Variants in ANO3 observed in about 807,000 individuals in gnomAD.
ANO3 encodes anoctamin-3.
A neutral mutation model predicts 144.8 loss-of-function variants in ANO3; 99 were observed. The observed-to-expected ratio is 0.68, with a 90% confidence interval of 0.58 to 0.81. The LOEUF is 0.81. ANO3 is among the 30% of genes least tolerant of loss of function. The probability of loss-of-function intolerance (pLI) is 0.00; values close to 1 mark genes in which losing one functional copy is unlikely to be tolerated. For synonymous variants in ANO3, 414 were observed against 392.6 expected (o/e 1.05, Z -0.64); for missense variants, 905 against 1,202.2 (o/e 0.75, Z 3.66).
intron 1 of ANO3, among the ~76,000 whole-genome samples, chr11:26,247,009 C>A (rs1233041293): frequency 6.6e-6 from 1 of 152,076 alleles, no homozygotes; most frequent in Non-Finnish European, 1.5e-5. Context: ...TAAAATATTA[C>A]TATATTATCC....
chr11:26,243,624 G>A (rs1431458970), intron 1 of ANO3, among the ~76,000 whole-genome samples: 2 of 152,138 alleles, frequency 1.3e-5, no homozygotes, highest in Non-Finnish European at 2.9e-5. Flanking sequence ...CAGAAGCAAA[G>A]CACACTTTGA....
intron 1 of ANO3, among the ~76,000 whole-genome samples, chr11:26,341,153 A>G (rs1855349109): frequency 7.4e-6 from 1 of 135,880 alleles, no homozygotes; most frequent in Non-Finnish European, 1.6e-5. Flanking sequence ...TCTTTTTGCT[A>G]TGTAACATTT....
At chr11:26,456,786 T>C (rs1355854842) in intron 3 of ANO3, among the ~76,000 whole-genome samples, 2 of 132,454 alleles carry the variant, frequency 1.5e-5, no homozygotes, top group African/African-American at 6.1e-5. Context: ...GTATGTTTAT[T>C]GCGGCACTAT....
Position 26,442,114 on chromosome 11 carries a change from T to C in ANO3, c.241+2T>C, listed in dbSNP as rs1283938004. 1 of 1,607,278 alleles carries C rather than the reference T, an allele frequency of 6.2e-7. No individual in the cohort carries two copies. Among genetic ancestry groups the C allele is most frequent in the Non-Finnish European group, 8.5e-7 (1 of 1,178,300 alleles). ...TCTCCACTGACAAAGCAGAGCAAGG[T>C]GAGCAGCAATTCCTATTTTCTTGTT... On this transcript the variant is annotated splice_donor_variant, in intron 2 of 26. Transcript: ENST00000256737. LOFTEE classifies it high-confidence loss of function.
chr11:26,566,030 T>A, intron 14 of ANO3: 6 of 981,644 alleles, frequency 6.1e-6, no homozygotes, highest in Non-Finnish European at 8.5e-6. Context: ...ATTCCAAAAT[T>A]GCTTATTTTG....
chr11:26,201,371 T>C (rs950829952), intron 1 of ANO3, among the ~76,000 whole-genome samples: 3 of 152,268 alleles, frequency 2.0e-5, no homozygotes, highest in Admixed American at 2.0e-4. Flanking sequence ...GAACCAAGAA[T>C]TCATTTTATC....
chr11:26,578,029 C>T (rs552833215), intron 14 of ANO3, among the ~76,000 whole-genome samples: 1 of 152,198 alleles, frequency 6.6e-6, no homozygotes, highest in African/African-American at 2.4e-5. Context: ...AAAAGTATGT[C>T]GTGGGAGCAC....
intron 8 of ANO3, among the ~76,000 whole-genome samples, chr11:26,533,838 A>G (rs189198770): frequency 1.4e-3 from 209 of 152,358 alleles, no homozygotes; most frequent in Non-Finnish European, 1.9e-3. Context: ...TTTATCACTC[A>G]CATAGATAGA....
At chr11:26,428,873 T>TA (rs148245164) in intron 1 of ANO3, among the ~76,000 whole-genome samples, 7,953 of 152,164 alleles carry the variant, frequency 0.052, 247 homozygotes, top group African/African-American at 0.08. Context: ...GATTGGCTAT[T>TA]AAAAATGAAC....
intron 1 of ANO3, among the ~76,000 whole-genome samples, chr11:26,392,006 T>G (rs1470625009): frequency 2.6e-5 from 4 of 152,112 alleles, no homozygotes; most frequent in Non-Finnish European, 4.4e-5. Flanking sequence ...CTCTCCATTT[T>G]GTTTCCTAAT....
chr11:26,384,281 T>C (rs1051009762), intron 1 of ANO3, among the ~76,000 whole-genome samples: 8 of 152,112 alleles, frequency 5.3e-5, no homozygotes, highest in Non-Finnish European at 7.4e-5. Context: ...AATTTAACAA[T>C]TGTTAAATCG....
intron 17 of ANO3, among the ~76,000 whole-genome samples, chr11:26,609,526 A>G (rs1490545993): frequency 6.6e-6 from 1 of 152,042 alleles, no homozygotes; most frequent in Non-Finnish European, 1.5e-5. Context: ...TATCACATGC[A>G]GGATTCACAT....
At position 26,339,964 on chromosome 11, in the gene ANO3, G is replaced by A. The variant is rs552121836; in HGVS notation, c.46+7643G>A. ...GCAGGATACAGGTTCACCAAAGCAT[G>A]AATCTCCCATATTCACCTCCTCACT... On this transcript the variant is annotated intron_variant, in intron 1 of 26. Transcript: ENST00000256737. Among the ~76,000 whole-genome samples the A allele has an allele frequency of 5.3e-5, 8 of 152,304 alleles. No homozygotes were observed. In the East Asian group the frequency reaches 1.4e-3, roughly 26 times the overall value.
chr11:26,462,909 A>G, intron 3 of ANO3, 121 bp from the exon 4 acceptor site: 2 of 430,656 alleles, frequency 4.6e-6, no homozygotes, highest in South Asian at 1.7e-4. Context: ...AATTTTATGT[A>G]TTTTCTAGTA....
intron 4 of ANO3, among the ~76,000 whole-genome samples, chr11:26,465,375 T>G (rs1195956187): frequency 1.3e-5 from 2 of 151,796 alleles, no homozygotes; most frequent in East Asian, 3.9e-4. Flanking sequence ...ACAATTGTGC[T>G]TGTTGTAATC....
intron 1 of ANO3, among the ~76,000 whole-genome samples, chr11:26,249,413 C>T (rs967008900): frequency 3.3e-5 from 5 of 152,044 alleles, no homozygotes; most frequent in African/African-American, 7.2e-5. Flanking sequence ...TTTTAATTCC[C>T]GTTTGCTACA....
At chr11:26,210,797 G>T (rs1484204803) in intron 1 of ANO3, among the ~76,000 whole-genome samples, 1 of 152,044 alleles carries the variant, frequency 6.6e-6, no homozygotes, top group Non-Finnish European at 1.5e-5. Flanking sequence ...TATTATTGGT[G>T]TATAGGAATG....
intron 4 of ANO3, among the ~76,000 whole-genome samples, chr11:26,492,659 A>C (rs1433667651): frequency 1.3e-5 from 2 of 152,216 alleles, no homozygotes; most frequent in Non-Finnish European, 2.9e-5. Flanking sequence ...TAGACTAATC[A>C]ACTCATTTAT....
chr11:26,553,210 C>T (rs1565099179), intron 12 of ANO3, 39 bp from the exon 13 acceptor site: 1 of 1,275,350 alleles, frequency 7.8e-7, no homozygotes, highest in African/African-American at 1.5e-5. Context: ...CAGTTTCATG[C>T]TATGTTTTGT....
Sources: allele counts gnomAD v4.1 joint callset (sites outside exome capture counted in the v4.1 genomes callset), GRCh38; gene constraint gnomAD v4.1.1; transcripts MANE v1.5; gene names NCBI Gene and HGNC (gene_info 2026-07-23, HGNC 2026-07-21).